Variants in ASXL2 observed in about 807,000 individuals in gnomAD.
ASXL2 encodes the protein putative Polycomb group protein ASXL2.
A neutral mutation model predicts 122.0 loss-of-function variants in ASXL2; 23 were observed. The ratio of observed to expected loss-of-function variants is 0.19; its 90% CI spans 0.14 to 0.27. The LOEUF (loss-of-function observed/expected upper bound fraction) is 0.27. Among genes scored for constraint, ASXL2 ranks in the 10% least tolerant of loss-of-function variants. The pLI, the probability that ASXL2 is intolerant of heterozygous loss-of-function variation, is 1.00. For synonymous variants in ASXL2, 650 were observed against 637.0 expected (o/e 1.02, Z -0.31); for missense variants, 1,518 against 1,713.8 (o/e 0.89, Z 2.02).
chr2:25,762,224 G>T (rs974482962), intron 8 of ASXL2, among the ~76,000 whole-genome samples: 4 of 141,378 alleles, frequency 2.8e-5, no homozygotes, highest in Non-Finnish European at 4.5e-5. Flanking sequence ...ACCATTTAAG[G>T]AATCACTAAC....
At chr2:25,844,818 G>A (rs997666777) in intron 2 of ASXL2, among the ~76,000 whole-genome samples, 1 of 151,800 alleles carries the variant, frequency 6.6e-6, no homozygotes, top group Non-Finnish European at 1.5e-5. Context: ...ACAATTTTTC[G>A]TAGAGATGAG....
intron 1 of ASXL2, among the ~76,000 whole-genome samples, chr2:25,848,340 C>T (rs774128555): frequency 2.6e-5 from 4 of 152,098 alleles, no homozygotes; most frequent in East Asian, 1.9e-4. Flanking sequence ...AAGTGGAGAC[C>T]GGCTGGGCGC....
chr2:25,806,392 G>A (rs2089082910), intron 3 of ASXL2, 55 bp from the exon 4 acceptor site: 2 of 1,210,852 alleles, frequency 1.7e-6, no homozygotes, highest in South Asian at 2.6e-5. Flanking sequence ...TTCTGTCTCT[G>A]AATATCCTAT....
rs147296439 is a variant in ASXL2, at chr2:25,743,007, A to G, written c.3330T>C (p.Phe1110=). 14 of 1,614,032 alleles carry G rather than the reference A, an allele frequency of 8.7e-6. No homozygotes were observed. In the African/African-American group the frequency reaches 1.2e-4, roughly 14 times the overall value. Residue 1110 remains phenylalanine (F), a synonymous_variant, in exon 13 of 13, where the codon TTT becomes TTC. Coordinates refer to ENST00000435504, the MANE Select transcript of ASXL2 (RefSeq NM_018263.6). ...ISTSQRFMLG[F]AGRRTSKPAM... ...CAGGTTTGGATGTCCTTCTGCCAGCAAAACCCAGCATGAACCTCTGGCTTG... is the reference window on the plus strand; with the variant it reads ...CAGGTTTGGATGTCCTTCTGCCAGCGAAACCCAGCATGAACCTCTGGCTTG...
chr2:25,786,293 T>C (rs779830599), intron 5 of ASXL2, among the ~76,000 whole-genome samples: 7 of 141,332 alleles, frequency 5.0e-5, no homozygotes, highest in Non-Finnish European at 9.0e-5. Flanking sequence ...CAGGCTGGAG[T>C]GCAGTAGTGC....
intron 1 of ASXL2, among the ~76,000 whole-genome samples, chr2:25,857,741 C>A (rs181885252): frequency 6.6e-6 from 1 of 152,346 alleles, no homozygotes; most frequent in African/African-American, 2.4e-5. Context: ...ATCCAGCTTT[C>A]ACTTTCCCCA....
intron 3 of ASXL2, among the ~76,000 whole-genome samples, chr2:25,830,625 CAA>C (rs755161150): frequency 7.1e-4 from 58 of 81,656 alleles, no homozygotes; most frequent in African/African-American, 1.7e-3. Context: ...GACTCTGCCT[CAA>C]AAAAAAAAAA....
At chr2:25,779,242 G>A (rs1434268426) in intron 5 of ASXL2, among the ~76,000 whole-genome samples, 15 of 151,444 alleles carry the variant, frequency 9.9e-5, no homozygotes, top group Admixed American at 1.3e-4. Flanking sequence ...GATTACAGGC[G>A]CCCACCACCA....
At chr2:25,774,338 A>C (rs2088511068) in intron 5 of ASXL2, among the ~76,000 whole-genome samples, 1 of 152,180 alleles carries the variant, frequency 6.6e-6, no homozygotes, top group Non-Finnish European at 1.5e-5. Flanking sequence ...TTTATATTTA[A>C]ATTTTTTAAA....
At chr2:25,850,844 C>A (rs1323736729) in intron 1 of ASXL2, among the ~76,000 whole-genome samples, 1 of 152,014 alleles carries the variant, frequency 6.6e-6, no homozygotes, top group African/African-American at 2.4e-5. Context: ...AGGTACAATT[C>A]ATATTAAAAA....
chr2:25,824,194 G>C (rs1424749984), intron 3 of ASXL2, among the ~76,000 whole-genome samples: 8 of 151,350 alleles, frequency 5.3e-5, no homozygotes. Flanking sequence ...TGAACTAAAG[G>C]TTTCAATATA....
chr2:25,743,401 G>A lies in ASXL2; in HGVS notation c.2936C>T (p.Thr979Met), dbSNP rs759268577. ...TTCCTCTTTTGCAGTCAGTGGAACC[G>A]TTTTCATTTCAACTTTGGTGAGAGG... ...PKPLTKVEMKTVPLTAKEERG... is the reference protein window; with the variant it reads ...PKPLTKVEMKMVPLTAKEERG... The change falls in exon 13 of 13, where the codon ACG becomes ATG. Residue 979 changes from threonine (T) to methionine (M), a missense_variant. Transcript: ENST00000435504. The A allele has an allele frequency of 6.2e-6, 10 of 1,613,794 alleles. No homozygotes were observed. Among genetic ancestry groups the A allele is most frequent in the East Asian group, 4.5e-5 (2 of 44,894 alleles).
At position 25,811,923 on chromosome 2, in the gene ASXL2, T is replaced by C. The variant is rs893945158; in HGVS notation, c.144-5586A>G. On this transcript the variant is annotated intron_variant, in intron 3 of 12. Transcript: ENST00000435504. ...CACACCACCACACCCAGCTAATTTT[T>C]GTATTTTTAGTAGATGGGGTTTCAC... Among the ~76,000 whole-genome samples the C allele has an allele frequency of 5.3e-5, 8 of 152,066 alleles. No homozygotes were observed. In the East Asian group the frequency reaches 1.4e-3, roughly 26 times the overall value.
intron 3 of ASXL2, among the ~76,000 whole-genome samples, chr2:25,814,950 T>A (rs2089215413): frequency 6.6e-6 from 1 of 152,204 alleles, no homozygotes; most frequent in Non-Finnish European, 1.5e-5. Flanking sequence ...TAATACTGCC[T>A]ACTGTGTAAC....
chr2:25,735,056 G>A lies in ASXL2; in HGVS notation c.*6973C>T, dbSNP rs1261454497. On this transcript the variant is annotated 3_prime_UTR_variant, in exon 13 of 13. Transcript: ENST00000435504. ...GGTTCTTTTGGGTTTGAAGAAGCAC[G>A]AAAAGCAAGGTTGCAGTTACTTTTC... is the stretch of plus-strand genomic sequence containing the variant. 2 of 152,054 alleles carry A rather than the reference G, an allele frequency of 1.3e-5. No individual in the cohort carries two copies. The highest frequency in any genetic ancestry group is 1.9e-4 in the East Asian group (1 of 5,180). 9.4% of individuals were successfully genotyped at this position (152,054 alleles called of 1,614,324 possible).
intron 3 of ASXL2, among the ~76,000 whole-genome samples, chr2:25,813,810 G>A (rs1303117951): frequency 1.3e-5 from 2 of 152,212 alleles, no homozygotes; most frequent in African/African-American, 2.4e-5. Flanking sequence ...CAGCACTTTG[G>A]GAGGCCAAGG....
chr2:25,850,755 T>TATC (rs2089705736), intron 1 of ASXL2, among the ~76,000 whole-genome samples: 1 of 152,204 alleles, frequency 6.6e-6, no homozygotes, highest in South Asian at 2.1e-4. Context: ...AAAGTGCTGA[T>TATC]AGTCTATCGT....
intron 5 of ASXL2, among the ~76,000 whole-genome samples, chr2:25,797,841 C>T (rs1174093210): frequency 6.6e-6 from 1 of 152,132 alleles, no homozygotes; most frequent in African/African-American, 2.4e-5. Flanking sequence ...TCTATAAAAC[C>T]AAACATACTC....
rs2087731880 is a variant in ASXL2, at chr2:25,736,196, G to T, written c.*5833C>A. On this transcript the variant is annotated 3_prime_UTR_variant, in exon 13 of 13. Coordinates refer to ENST00000435504, the MANE Select transcript of ASXL2 (RefSeq NM_018263.6). ...AATGAACACGGGTTTCTGACTCAGT[G>T]AAGTAAATAAAGGGTAGCTGGGGAT... 6.6e-6 allele frequency: 1 copy of T among 152,208 alleles called. No homozygotes were observed. Among genetic ancestry groups the T allele is most frequent in the Non-Finnish European group, 1.5e-5 (1 of 68,038 alleles). The allele number at this position is 152,208 out of a possible 1,614,324, so 9.4% of individuals were successfully genotyped here.
Sources: allele counts gnomAD v4.1 joint callset (sites outside exome capture counted in the v4.1 genomes callset), GRCh38; gene constraint gnomAD v4.1.1; transcripts MANE v1.5; gene names NCBI Gene and HGNC (gene_info 2026-07-23, HGNC 2026-07-21).